The following SULF2 variants were observed in gnomAD, a reference collection of about 807,000 sequenced individuals.
SULF2 encodes sulfatase 2.
A neutral mutation model predicts 107.7 loss-of-function variants in SULF2; 52 were observed. That is an observed-to-expected ratio of 0.48 (90% CI 0.39 to 0.61). The LOEUF (loss-of-function observed/expected upper bound fraction) is 0.61, where lower values mean the gene tolerates loss of function less well. SULF2 is among the 20% of genes least tolerant of loss of function. SULF2 has a pLI of 0.00. For missense variants in SULF2, 993 were observed against 1,177.3 expected, an observed-to-expected ratio of 0.84 and a Z score of 2.29; for synonymous variants, 460 against 464.3, an observed-to-expected ratio of 0.99 and a Z score of 0.12.
chr20:47,745,029 T>C (rs947802626), intron 2 of SULF2, among the ~76,000 whole-genome samples: 1 of 151,988 alleles, frequency 6.6e-6, no homozygotes, highest in Non-Finnish European at 1.5e-5. Flanking sequence ...AGACTTTGGG[T>C]GCCAAAGAGC....
chr20:47,721,059 G>A (rs1311137271), intron 3 of SULF2, among the ~76,000 whole-genome samples: 1 of 152,130 alleles, frequency 6.6e-6, no homozygotes, highest in Admixed American at 6.5e-5. Flanking sequence ...TCTCAGGGCT[G>A]GGGTATTTCT....
chr20:47,681,471 C>T lies in SULF2; in HGVS notation c.1064+1523G>A, dbSNP rs370330272. Among the ~76,000 whole-genome samples, 198 of 152,208 alleles carry T rather than the reference C, an allele frequency of 1.3e-3. 1 individual carries two copies. The highest frequency in any genetic ancestry group is 4.5e-3 in the African/African-American group (188 of 41,518). ...ACCCCCAATGTCAGTGTTTGTAGAG[C>T]CCTCAGTGGGTCAGATTCTTTCTGT... is the stretch of plus-strand genomic sequence containing the variant. On this transcript the variant is annotated intron_variant, in intron 7 of 20. Transcript: ENST00000688720.
chr20:47,659,775 A>G, intron 18 of SULF2, 45 bp from the exon 19 acceptor site: 1 of 1,518,132 alleles, frequency 6.6e-7, no homozygotes, highest in Non-Finnish European at 9.1e-7. Flanking sequence ...CAGATAGTTT[A>G]GGCAAAACAA....
chr20:47,657,457 T>C lies in SULF2; in HGVS notation c.*905A>G, dbSNP rs989201902. 5.3e-5 allele frequency: 8 copies of C among 152,224 alleles called. No individual in the cohort carries two copies. The highest frequency in any genetic ancestry group is 1.7e-4 in the African/African-American group (7 of 41,454). 9.4% of individuals were successfully genotyped at this position (152,224 alleles called of 1,614,324 possible). A position where few individuals can be genotyped will look rare whatever the true frequency, so the allele number is the denominator to read the frequency against. ...GTCAAAGGTTCTTCATACCAACTGC[T>C]GGTCATTGGCTGGGGTTTTGAACAC... On this transcript the variant is annotated 3_prime_UTR_variant, in exon 21 of 21. Coordinates refer to ENST00000688720, the MANE Select transcript of SULF2 (RefSeq NM_001387048.1).
intron 3 of SULF2, among the ~76,000 whole-genome samples, chr20:47,735,335 T>C (rs1048843840): frequency 2.6e-5 from 4 of 152,132 alleles, no homozygotes; most frequent in Non-Finnish European, 5.9e-5. Flanking sequence ...CCAGTATACA[T>C]TAAAGAAAAA....
In SULF2 at chr20:47,665,263, G is replaced by C. The variant is rs757463725; in HGVS notation, c.1933C>G (p.Leu645Val). 6.2e-7 allele frequency: 1 copy of C among 1,613,920 alleles called. No homozygotes were observed. Among genetic ancestry groups the C allele is most frequent in the East Asian group, 2.2e-5 (1 of 44,886 alleles). The stretch of plus-strand genomic sequence containing the variant: ...TTCAGGTGACCTCGGACTTCCCTCA[G>C]GTTCTTAATTTTGTTCTGCAGGGTT... ...IETLQNKIKN[L>V]REVRGHLKKK... Residue 645 changes from leucine (L) to valine (V), a missense_variant, in exon 14 of 21, where the codon CTG becomes GTG. Coordinates refer to ENST00000688720, the MANE Select transcript of SULF2 (RefSeq NM_001387048.1).
chr20:47,686,922 C>T (rs534188719), intron 5 of SULF2, among the ~76,000 whole-genome samples: 8 of 152,288 alleles, frequency 5.3e-5, no homozygotes, highest in African/African-American at 1.9e-4. Flanking sequence ...AGGGCCTGAC[C>T]CGCCATGTAG....
At chr20:47,779,628 A>T (rs2090786801) in intron 1 of SULF2, among the ~76,000 whole-genome samples, 1 of 152,128 alleles carries the variant, frequency 6.6e-6, no homozygotes, top group African/African-American at 2.4e-5. Context: ...TATTTTTGAG[A>T]TGGAGTCTTG....
intron 1 of SULF2, among the ~76,000 whole-genome samples, chr20:47,784,949 T>C (rs1315684973): frequency 6.6e-6 from 1 of 152,214 alleles, no homozygotes; most frequent in East Asian, 2.0e-4. Flanking sequence ...GGCTGGCATC[T>C]ACCGGTCCCT....
chr20:47,775,968 A>C (rs78631858), intron 1 of SULF2, among the ~76,000 whole-genome samples: 9,667 of 152,228 alleles, frequency 0.064, 427 homozygotes, highest in East Asian at 0.16. Context: ...ACAAACTCAA[A>C]TGCCTACGTG....
chr20:47,730,837 T>G (rs1475202503), intron 3 of SULF2, among the ~76,000 whole-genome samples: 1 of 152,200 alleles, frequency 6.6e-6, no homozygotes, highest in African/African-American at 2.4e-5. Context: ...TCCTTATTCT[T>G]TCCAGCAGCC....
chr20:47,697,742 G>T (rs1183153925), intron 4 of SULF2, among the ~76,000 whole-genome samples: 6 of 152,172 alleles, frequency 3.9e-5, no homozygotes, highest in Non-Finnish European at 7.3e-5. Flanking sequence ...GTGTGGGCAG[G>T]AAACAGGGCA....
chr20:47,673,408 C>G (rs570025367), intron 10 of SULF2, among the ~76,000 whole-genome samples: 1 of 152,322 alleles, frequency 6.6e-6, no homozygotes, highest in African/African-American at 2.4e-5. Flanking sequence ...ATGAGGCACA[C>G]GGAGGTAGAG....
At chr20:47,688,849 T>G (rs371127241) in intron 5 of SULF2, among the ~76,000 whole-genome samples, 13 of 151,946 alleles carry the variant, frequency 8.6e-5, no homozygotes, top group African/African-American at 2.9e-4. Context: ...AGGAGGGGCT[T>G]GAGGAGGGCA....
intron 9 of SULF2, 56 bp from the exon 10 acceptor site, chr20:47,676,679 C>A: frequency 6.5e-7 from 1 of 1,542,078 alleles, no homozygotes; most frequent in Admixed American, 2.0e-5. Context: ...GGAGGAGCCC[C>A]GGAGGCATGT....
At chr20:47,717,882 C>T (rs1362745048) in intron 3 of SULF2, among the ~76,000 whole-genome samples, 1 of 149,808 alleles carries the variant, frequency 6.7e-6, no homozygotes, top group East Asian at 2.0e-4. Context: ...GCTGCGATCT[C>T]GGCTCACTGC....
chr20:47,661,403 C>T (rs1207177490), intron 18 of SULF2: 1 of 160,594 alleles, frequency 6.2e-6, no homozygotes, highest in Admixed American at 6.5e-5. Flanking sequence ...GTGGACTGCT[C>T]TTCTTAGGAC....
At chr20:47,765,872 G>C (rs940599924) in intron 1 of SULF2, among the ~76,000 whole-genome samples, 1 of 152,370 alleles carries the variant, frequency 6.6e-6, no homozygotes, top group Non-Finnish European at 1.5e-5. Flanking sequence ...CTGAGGTTAA[G>C]TGTGTTGTAT....
chr20:47,764,432 T>A (rs62200251), intron 1 of SULF2, among the ~76,000 whole-genome samples: 2 of 152,136 alleles, frequency 1.3e-5, no homozygotes, highest in Non-Finnish European at 2.9e-5. Context: ...AGGCCACAAG[T>A]GCTCTTATTT....
Sources: allele counts gnomAD v4.1 joint callset (sites outside exome capture counted in the v4.1 genomes callset), GRCh38; gene constraint gnomAD v4.1.1; transcripts MANE v1.5; gene names NCBI Gene and HGNC (gene_info 2026-07-23, HGNC 2026-07-21).